The following KYAT3 variants were observed in gnomAD, a reference collection of about 807,000 sequenced individuals.
KYAT3 encodes the protein kynurenine--oxoglutarate transaminase 3.
In KYAT3, 50 loss-of-function variants were observed where a neutral mutation model predicts 59.0. That is an observed-to-expected ratio of 0.85 (90% confidence interval 0.68 to 1.07). The LOEUF (loss-of-function observed/expected upper bound fraction) is 1.07. Among genes scored for constraint, KYAT3 ranks in the 50% least tolerant of loss-of-function variants. The pLI is 0.00. For synonymous variants in KYAT3, 148 were observed against 177.0 expected (o/e 0.84, Z 1.30); for missense variants, 497 against 533.3 (o/e 0.93, Z 0.67).
intron 3 of KYAT3, among the ~76,000 whole-genome samples, chr1:88,969,153 G>A (rs1232073273): frequency 6.6e-6 from 1 of 152,214 alleles, no homozygotes; most frequent in Non-Finnish European, 1.5e-5. Flanking sequence ...TGGATTGGAG[G>A]TTAAGTTCCA....
chr1:88,964,001 G>C (rs990687543), intron 5 of KYAT3, among the ~76,000 whole-genome samples: 1 of 152,304 alleles, frequency 6.6e-6, no homozygotes, highest in African/African-American at 2.4e-5. Flanking sequence ...TCAGGAGTTC[G>C]AGACCAGACT....
chr1:88,965,001 A>G, intron 4 of KYAT3, 23 bp from the exon 5 acceptor site: 1 of 1,577,226 alleles, frequency 6.3e-7, no homozygotes. Context: ...AAATAAGAAC[A>G]AAACCTTGAA....
chr1:88,944,977 A>G (rs1014236815), intron 11 of KYAT3, among the ~76,000 whole-genome samples: 3 of 151,964 alleles, frequency 2.0e-5, no homozygotes, highest in African/African-American at 7.3e-5. Flanking sequence ...CTGAGTAGCT[A>G]GGATTACAGG....
chr1:88,983,631 C>T (rs1557706856), intron 2 of KYAT3: 2 of 1,613,892 alleles, frequency 1.2e-6, no homozygotes, highest in Non-Finnish European at 1.7e-6. Context: ...ATGTCTCTGG[C>T]TGCATCCTTA....
chr1:88,957,103 A>G (rs1290551406), intron 8 of KYAT3, among the ~76,000 whole-genome samples: 1 of 152,210 alleles, frequency 6.6e-6, no homozygotes, highest in Non-Finnish European at 1.5e-5. Flanking sequence ...AAAACAACGT[A>G]TAAGTAATTT....
chr1:88,953,325 A>C (rs950021459), intron 9 of KYAT3, among the ~76,000 whole-genome samples, 173 bp from the exon 10 acceptor site: 2 of 152,174 alleles, frequency 1.3e-5, no homozygotes, highest in African/African-American at 2.4e-5. Context: ...TGGGTGGATC[A>C]CTTGAGGTTT....
chr1:88,957,703 C>T (rs1324916523), intron 8 of KYAT3, among the ~76,000 whole-genome samples: 2 of 152,058 alleles, frequency 1.3e-5, no homozygotes, highest in African/African-American at 4.8e-5. Flanking sequence ...AATAATGTTA[C>T]CAGTTATGCT....
chr1:88,953,189 A>T, intron 9 of KYAT3, 37 bp from the exon 10 acceptor site: 2 of 1,355,074 alleles, frequency 1.5e-6, no homozygotes, highest in Non-Finnish European at 1.1e-6. Flanking sequence ...CAGAAAATCT[A>T]ATTGTATATA....
chr1:88,940,137 T>C (rs1439489051), intron 13 of KYAT3, among the ~76,000 whole-genome samples: 1 of 152,132 alleles, frequency 6.6e-6, no homozygotes, highest in Non-Finnish European at 1.5e-5. Context: ...TGGAGCAATC[T>C]CAGCTCATTG....
chr1:88,972,334 C>T (rs78329324), intron 2 of KYAT3, among the ~76,000 whole-genome samples: 15,301 of 152,252 alleles, frequency 0.1, 828 homozygotes, highest in Middle Eastern at 0.18. Flanking sequence ...ACAGCAATAC[C>T]TAGACTGATG....
chr1:88,986,792 G>C (rs1002464815), intron 2 of KYAT3, among the ~76,000 whole-genome samples: 4 of 152,112 alleles, frequency 2.6e-5, no homozygotes, highest in African/African-American at 4.8e-5. Flanking sequence ...GGCTGGTTCT[G>C]ACAAGTCTTT....
Position 88,969,505 on chromosome 1 carries a change from C to T in KYAT3, c.100-38G>A, listed in dbSNP as rs367620472. The T allele has an allele frequency of 1.5e-4, 190 of 1,229,138 alleles. 1 individual carries two copies. Among genetic ancestry groups the T allele is most frequent in the East Asian group, 4.7e-4 (20 of 42,908 alleles). 76.1% of individuals were successfully genotyped at this position (1,229,138 alleles called of 1,614,324 possible). ...AATATTGAAAAGGAATTGCCTTAGTCAAAATTTTAAAAGCCAGTAAATCAT... is the reference window on the plus strand; with the variant it reads ...AATATTGAAAAGGAATTGCCTTAGTTAAAATTTTAAAAGCCAGTAAATCAT... On this transcript the variant is annotated intron_variant, in intron 2 of 13. Coordinates refer to ENST00000260508, the MANE Select transcript of KYAT3 (RefSeq NM_001008661.3).
chr1:88,946,272 T>C lies in KYAT3; in HGVS notation c.1141+2819A>G, dbSNP rs140312479. Among the ~76,000 whole-genome samples the C allele has an allele frequency of 5.0e-3, 768 of 152,296 alleles. 9 individuals are homozygous for C. Among genetic ancestry groups the C allele is most frequent in the African/African-American group, 0.017 (722 of 41,566 alleles). ...CAAGTTAATGCTAATTACAATACTATGTGAACCTAGGTGACTGAAATATTT... is the reference window on the plus strand; with the variant it reads ...CAAGTTAATGCTAATTACAATACTACGTGAACCTAGGTGACTGAAATATTT... On this transcript the variant is annotated intron_variant, in intron 11 of 13. Transcript: ENST00000260508.
At position 88,943,402 on chromosome 1, in the gene KYAT3, T is replaced by G. The variant is rs1186234046; in HGVS notation, c.1163A>C (p.Lys388Thr). ...SLLDPDLSDM[K>T]NNEPYDYKFV... is the part of the protein sequence containing the mutation. ...CTTATAGTCATAAGGCTCATTATTCTTCATATCAGAGAGGTCTGGATCTAA... is the reference window on the plus strand; with the variant it reads ...CTTATAGTCATAAGGCTCATTATTCGTCATATCAGAGAGGTCTGGATCTAA... Residue 388 changes from lysine to threonine, a missense_variant, in exon 12 of 14, where the codon AAG (lysine) becomes ACG (threonine). Physicochemically the swap from Lys to Thr is moderately conservative, Grantham distance 78. This residue lies in a region of KYAT3 where 469 missense variants were observed against 479.1 expected (regional missense o/e 0.98). Transcript: ENST00000260508. The G allele has an allele frequency of 1.3e-6, 2 of 1,581,966 alleles. No homozygotes were observed. The highest frequency in any genetic ancestry group is 2.7e-5 in the African/African-American group (2 of 73,406).
intron 2 of KYAT3, among the ~76,000 whole-genome samples, chr1:88,976,302 A>G (rs1676787908): frequency 6.6e-6 from 1 of 152,010 alleles, no homozygotes. Context: ...GGTTGCAGTA[A>G]GCCGAGATCA....
chr1:88,979,173 G>A (rs1415489272), intron 2 of KYAT3, among the ~76,000 whole-genome samples: 1 of 152,170 alleles, frequency 6.6e-6, no homozygotes, highest in Non-Finnish European at 1.5e-5. Context: ...AGACTGAATG[G>A]TAACAGAAAC....
At chr1:88,977,568 A>G (rs1226982688) in intron 2 of KYAT3, among the ~76,000 whole-genome samples, 1 of 152,202 alleles carries the variant, frequency 6.6e-6, no homozygotes, top group Non-Finnish European at 1.5e-5. Flanking sequence ...TGAACTCCTG[A>G]CCTCAGGTGA....
At chr1:88,972,823 C>T (rs770124360) in intron 2 of KYAT3, among the ~76,000 whole-genome samples, 5 of 152,176 alleles carry the variant, frequency 3.3e-5, no homozygotes, top group Non-Finnish European at 7.3e-5. Flanking sequence ...GGAAATGTAA[C>T]TGTCCAGCAG....
intron 13 of KYAT3, among the ~76,000 whole-genome samples, chr1:88,941,060 C>T (rs7543965): frequency 0.038 from 5,810 of 152,240 alleles, 320 homozygotes; most frequent in African/African-American, 0.12. Context: ...TAGGGGAGGG[C>T]TGGGTTTACC....
Sources: allele counts gnomAD v4.1 joint callset (sites outside exome capture counted in the v4.1 genomes callset), GRCh38; gene constraint gnomAD v4.1.1; regional missense constraint gnomAD v4.1.1; transcripts MANE v1.5; gene names NCBI Gene and HGNC (gene_info 2026-07-23, HGNC 2026-07-21).